Variants in CALN1 observed in about 807,000 individuals in gnomAD.
CALN1 encodes the protein calneuron 1.
A neutral mutation model predicts 30.6 loss-of-function variants in CALN1; 17 were observed. That is an observed-to-expected ratio of 0.56 (90% CI 0.38 to 0.83). The LOEUF is 0.83. Among genes scored for constraint, CALN1 ranks in the 40% least tolerant of loss-of-function variants. The probability of loss-of-function intolerance (pLI) is 0.00; values close to 1 mark genes in which losing one functional copy is unlikely to be tolerated. For synonymous variants in CALN1, 156 were observed against 131.4 expected (o/e 1.19, Z -1.28); for missense variants, 291 against 354.9 (o/e 0.82, Z 1.45).
chr7:71,811,381 C>A (rs1332792132), intron 5 of CALN1, among the ~76,000 whole-genome samples: 2 of 151,880 alleles, frequency 1.3e-5, no homozygotes, highest in Non-Finnish European at 2.9e-5. Flanking sequence ...CTAACATTTA[C>A]AATTTTTTGT....
intron 2 of CALN1, among the ~76,000 whole-genome samples, chr7:72,322,224 G>A (rs566789078): frequency 7.4e-4 from 113 of 152,256 alleles, no homozygotes; most frequent in Middle Eastern, 3.4e-3. Context: ...TCATAAGGAG[G>A]TTGCAACCTA....
chr7:72,468,334 G>T, the CALN1 span, among the ~76,000 whole-genome samples: 1 of 152,042 alleles, frequency 6.6e-6, no homozygotes, highest in Non-Finnish European at 1.5e-5. Flanking sequence ...TTGTTTTTCA[G>T]ACAGAGTCTC....
At chr7:72,260,721 A>C (rs911243863) in intron 3 of CALN1, among the ~76,000 whole-genome samples, 1 of 151,958 alleles carries the variant, frequency 6.6e-6, no homozygotes, top group African/African-American at 2.4e-5. Context: ...GGAGCCCCCC[A>C]CACAGATGTA....
At chr7:72,237,890 C>T (rs1489813542) in intron 3 of CALN1, among the ~76,000 whole-genome samples, 1 of 152,188 alleles carries the variant, frequency 6.6e-6, no homozygotes, top group African/African-American at 2.4e-5. Context: ...AATGGAAGTG[C>T]CTGCAACATC....
intron 5 of CALN1, among the ~76,000 whole-genome samples, chr7:71,970,271 T>G (rs1797730243): frequency 6.6e-6 from 1 of 152,204 alleles, no homozygotes; most frequent in African/African-American, 2.4e-5. Flanking sequence ...AAGGATCTCC[T>G]ATAAAGATTC....
Position 71,787,604 on chromosome 7 carries a change from G to T in CALN1, c.*171C>A. On this transcript the variant is annotated 3_prime_UTR_variant, in exon 7 of 7. Transcript: ENST00000395275. ...TTAGTGTCCCTGCCAAGGAGATGAA[G>T]CTGAAGTGCAACCCCAGTTGCACTC... 1 of 806,374 alleles carries T rather than the reference G, an allele frequency of 1.2e-6. No homozygotes were observed. Among genetic ancestry groups the T allele is most frequent in the Non-Finnish European group, 1.9e-6 (1 of 537,426 alleles). The allele number at this position is 806,374 out of a possible 1,614,324, so 50.0% of individuals were successfully genotyped here. A position where few individuals can be genotyped will look rare whatever the true frequency, so the allele number is the denominator to read the frequency against.
intron 3 of CALN1, among the ~76,000 whole-genome samples, chr7:72,177,157 T>C (rs2129545796): frequency 6.6e-6 from 1 of 152,348 alleles, no homozygotes; most frequent in African/African-American, 2.4e-5. Context: ...CTCATTCATC[T>C]GTGCATTCAT....
At chr7:72,054,307 T>C (rs563296961) in intron 4 of CALN1, among the ~76,000 whole-genome samples, 1 of 151,612 alleles carries the variant, frequency 6.6e-6, no homozygotes, top group Non-Finnish European at 1.5e-5. Context: ...TTCTTACTGG[T>C]GTAAGATGAT....
intron 1 of CALN1, among the ~76,000 whole-genome samples, chr7:72,441,578 A>G (rs1219153889): frequency 7.0e-6 from 1 of 142,054 alleles, no homozygotes; most frequent in Non-Finnish European, 1.5e-5. Context: ...AGCCTGAGCA[A>G]CAGAGCGACA....
At chr7:72,495,732 T>C in the CALN1 span, among the ~76,000 whole-genome samples, 1 of 152,218 alleles carries the variant, frequency 6.6e-6, no homozygotes, top group South Asian at 2.1e-4. Flanking sequence ...CAAATCGTTA[T>C]TGCTTCCGAA....
intron 3 of CALN1, among the ~76,000 whole-genome samples, chr7:72,255,331 T>C (rs1442508182): frequency 6.6e-6 from 1 of 150,828 alleles, no homozygotes; most frequent in East Asian, 1.9e-4. Flanking sequence ...GATCTCATGA[T>C]CCACCCTCAG....
intron 4 of CALN1, among the ~76,000 whole-genome samples, chr7:72,093,637 G>A (rs768529031): frequency 2.3e-4 from 35 of 152,280 alleles, no homozygotes; most frequent in Non-Finnish European, 1.2e-4. Context: ...ATGACTACCA[G>A]GACTGCCAGC....
intron 2 of CALN1, among the ~76,000 whole-genome samples, chr7:72,308,300 G>A (rs570179419): frequency 6.8e-6 from 1 of 147,906 alleles, no homozygotes; most frequent in East Asian, 2.1e-4. Flanking sequence ...GGAGAAGGAG[G>A]TTGCAGTGAG....
At chr7:71,950,498 C>A (rs997037717) in intron 5 of CALN1, among the ~76,000 whole-genome samples, 1 of 152,140 alleles carries the variant, frequency 6.6e-6, no homozygotes, top group African/African-American at 2.4e-5. Context: ...TCCATCACCA[C>A]GGTCCTCTTA....
At chr7:72,159,450 T>A (rs1166683493) in intron 3 of CALN1, among the ~76,000 whole-genome samples, 1 of 151,878 alleles carries the variant, frequency 6.6e-6, no homozygotes, top group African/African-American at 2.4e-5. Context: ...CAGAGAACTA[T>A]GACCACGCCA....
At chr7:72,242,475 A>C (rs1562785819) in intron 3 of CALN1, among the ~76,000 whole-genome samples, 1 of 152,210 alleles carries the variant, frequency 6.6e-6, no homozygotes, top group Non-Finnish European at 1.5e-5. Context: ...GGAAAATAAA[A>C]TCCACTCTAG....
chr7:71,896,482 T>C (rs187720915), intron 5 of CALN1, among the ~76,000 whole-genome samples: 109 of 152,316 alleles, frequency 7.2e-4, no homozygotes, highest in African/African-American at 2.4e-3. Context: ...CAGTTCCCAG[T>C]TTCTCACTAA....
intron 3 of CALN1, among the ~76,000 whole-genome samples, chr7:72,263,426 C>T (rs1380100099): frequency 1.3e-5 from 2 of 151,980 alleles, no homozygotes; most frequent in Non-Finnish European, 1.5e-5. Flanking sequence ...ACCAGGGACT[C>T]ACTCTGTCAT....
chr7:72,289,074 T>C (rs1371253934), intron 2 of CALN1, among the ~76,000 whole-genome samples: 1 of 152,326 alleles, frequency 6.6e-6, no homozygotes, highest in African/African-American at 2.4e-5. Flanking sequence ...AAGGTTAACC[T>C]AGTAGAGAAT....
Sources: allele counts gnomAD v4.1 joint callset (sites outside exome capture counted in the v4.1 genomes callset), GRCh38; gene constraint gnomAD v4.1.1; transcripts MANE v1.5; gene names NCBI Gene and HGNC (gene_info 2026-07-23, HGNC 2026-07-21).